Variants in CAND1 observed in about 807,000 individuals in gnomAD.
The protein encoded by CAND1 is cullin associated and neddylation dissociated 1.
CAND1 carries 7 observed loss-of-function variants against 108.5 expected under a neutral mutation model. That is an observed-to-expected ratio of 0.06 (90% CI 0.04 to 0.12). The LOEUF is 0.12. Among genes scored for constraint, CAND1 ranks in the 10% least tolerant of loss-of-function variants. The pLI is 1.00. For synonymous variants in CAND1, 534 were observed against 512.0 expected, an observed-to-expected ratio of 1.04 and a Z score of -0.58; for missense variants, 941 against 1,448.7, an observed-to-expected ratio of 0.65 and a Z score of 5.69.
chr12:67,288,459 T>C (rs1003308596), intron 2 of CAND1, among the ~76,000 whole-genome samples: 4 of 152,150 alleles, frequency 2.6e-5, no homozygotes, highest in African/African-American at 9.7e-5. Context: ...AGTTGATCTG[T>C]TGACTGTTGA....
Position 67,305,917 on chromosome 12 carries a change from G to C in CAND1, c.2249G>C (p.Gly750Ala). 1 of 1,614,100 alleles carries C rather than the reference G, an allele frequency of 6.2e-7. No individual in the cohort carries two copies. Among genetic ancestry groups the C allele is most frequent in the Non-Finnish European group, 8.5e-7 (1 of 1,179,978 alleles). The change falls in exon 10 of 15, where the codon GGA becomes GCA. Residue 750 changes from glycine (G) to alanine (A), a missense_variant. Gly to Ala is a moderately conservative substitution (Grantham distance 60). Transcript: ENST00000545606. This position sits in a 1 kb window ranked among gnomAD's most constrained non-coding sequence, Gnocchi z 4.4. The stretch of plus-strand genomic sequence containing the variant: ...GTGAGATCACCCTTATTGCAGGGGG[G>C]AGCTCTTAGTGCCATGCTAGACTTT... ...GLVRSPLLQG[G>A]ALSAMLDFFQ...
chr12:67,289,978 G>GA (rs1430319070), intron 2 of CAND1, among the ~76,000 whole-genome samples: 2 of 152,020 alleles, frequency 1.3e-5, no homozygotes, highest in South Asian at 2.1e-4. Context: ...ACTTATGCTT[G>GA]AAAAAATGCA....
Position 67,269,570 on chromosome 12 carries a change from TCCC to T in CAND1, c.-147_-145del, listed in dbSNP as rs2044496123. On this transcript the variant is annotated 5_prime_UTR_variant, in exon 1 of 15. Transcript: ENST00000545606. ...GGAGGGGGCAGCCCGTCGAGGCGCC[TCCC>T]TAGTCAGCGTCGGCGTCGCGCTGCG... The T allele has an allele frequency of 1.6e-6, 1 of 635,398 alleles. No homozygotes were observed. Among genetic ancestry groups the T allele is most frequent in the African/African-American group, 2.0e-5 (1 of 50,610 alleles). 39.4% of individuals were successfully genotyped at this position (635,398 alleles called of 1,614,324 possible). A position where few individuals can be genotyped will look rare whatever the true frequency, so the allele number is the denominator to read the frequency against.
At chr12:67,312,470 C>A in intron 14 of CAND1, 136 bp from the exon 15 acceptor site, 6 of 496,756 alleles carry the variant, frequency 1.2e-5, no homozygotes, top group Non-Finnish European at 1.4e-5. Context: ...AGTTTAAAAA[C>A]AGTTGTTCTT....
chr12:67,306,463 T>C lies in CAND1; in HGVS notation c.2795T>C (p.Ile932Thr). Residue 932 changes from isoleucine (I) to threonine (T), a missense_variant, in exon 10 of 15, where the codon ATC (isoleucine) becomes ACC (threonine). Around this residue, in one of 9 missense-constraint regions of CAND1, gnomAD observed 106 missense variants for 182.0 expected, o/e 0.58. Transcript: ENST00000545606. Reference sequence around the variant, plus strand: ...GGCCTTAAACCATATGTTGAAAACATCTGGGCCTTATTACTAAAGCACTGT... The same window carrying C: ...GGCCTTAAACCATATGTTGAAAACACCTGGGCCTTATTACTAAAGCACTGT... The part of the protein sequence containing the change: ...VVGLKPYVEN[I>T]WALLLKHCEC... The C allele has an allele frequency of 1.2e-6, 2 of 1,614,082 alleles. No individual in the cohort carries two copies. The highest frequency in any genetic ancestry group is 1.7e-6 in the Non-Finnish European group (2 of 1,179,964).
At chr12:67,288,722 G>A (rs1157915861) in intron 2 of CAND1, among the ~76,000 whole-genome samples, 1 of 152,198 alleles carries the variant, frequency 6.6e-6, no homozygotes, top group Non-Finnish European at 1.5e-5. Flanking sequence ...GAGTCAGTCA[G>A]AGATGGAACA....
rs999136581 is a variant in CAND1 at position 67,315,138 on chromosome 12, T to C, written c.*2308T>C. On this transcript the variant is annotated 3_prime_UTR_variant, in exon 15 of 15. Coordinates refer to ENST00000545606, the MANE Select transcript of CAND1 (RefSeq NM_018448.5). ...TTTCATGAGAACATTTAAGTTAGTT[T>C]AGGTCTACCTGATTTATTTTAAAAG... 6.6e-6 allele frequency: 1 copy of C among 152,238 alleles called. No homozygotes were observed. Among genetic ancestry groups the C allele is most frequent in the African/African-American group, 2.4e-5 (1 of 41,462 alleles). The allele number at this position is 152,238 out of a possible 1,614,324, so 9.4% of individuals were successfully genotyped here. A position where few individuals can be genotyped will look rare whatever the true frequency, so the allele number is the denominator to read the frequency against.
At chr12:67,272,644 T>A (rs1300632078) in intron 1 of CAND1, among the ~76,000 whole-genome samples, 1 of 152,218 alleles carries the variant, frequency 6.6e-6, no homozygotes, top group African/African-American at 2.4e-5. Flanking sequence ...TGAGAAATGC[T>A]GAGATTAGGA....
At chr12:67,288,338 G>A (rs1486008799) in intron 2 of CAND1, among the ~76,000 whole-genome samples, 1 of 151,832 alleles carries the variant, frequency 6.6e-6, no homozygotes, top group Non-Finnish European at 1.5e-5. Context: ...ATGTTGGCCA[G>A]GCTGGTCTCG....
chr12:67,273,081 A>G (rs2044536632), intron 1 of CAND1, among the ~76,000 whole-genome samples: 1 of 152,210 alleles, frequency 6.6e-6, no homozygotes, highest in Admixed American at 6.5e-5. Context: ...TGTCTTAATT[A>G]CTAGGATAGT....
chr12:67,302,368 T>C lies in CAND1; in HGVS notation c.1046T>C (p.Val349Ala). The change falls in exon 8 of 15, where the codon GTG becomes GCG. Residue 349 changes from valine (V) to alanine (A), a missense_variant. Transcript: ENST00000545606. The part of the protein sequence containing the change: ...YSDDDDMSWK[V>A]RRAAAKCLDA... ...GATGATGATGACATGAGTTGGAAAGTGAGACGTGCAGCTGCGAAGTGCTTG... is the reference window on the plus strand; with the variant it reads ...GATGATGATGACATGAGTTGGAAAGCGAGACGTGCAGCTGCGAAGTGCTTG... 1.2e-6 allele frequency: 2 copies of C among 1,614,012 alleles called. No homozygotes were observed. The highest frequency in any genetic ancestry group is 8.5e-7 in the Non-Finnish European group (1 of 1,179,974).
intron 8 of CAND1, among the ~76,000 whole-genome samples, chr12:67,304,114 C>T (rs1001072942): frequency 6.6e-6 from 1 of 151,576 alleles, no homozygotes; most frequent in African/African-American, 2.4e-5. Flanking sequence ...CTCAGCCTCC[C>T]GAGTAGCTGG....
intron 2 of CAND1, among the ~76,000 whole-genome samples, chr12:67,284,705 TAC>T (rs138518839): frequency 9.3e-4 from 105 of 113,092 alleles, no homozygotes; most frequent in African/African-American, 1.7e-3. Flanking sequence ...CACATGCATG[TAC>T]ACACACACAC....
Position 67,319,531 on chromosome 12 carries a change from T to G in CAND1, c.*6701T>G, listed in dbSNP as rs1156585578. Reference sequence around the variant, plus strand: ...GAACCTGACTCCATTTTCAGGCACGTAATATTGTCAAATTCCTTTTAAAAG... The same window carrying G: ...GAACCTGACTCCATTTTCAGGCACGGAATATTGTCAAATTCCTTTTAAAAG... On this transcript the variant is annotated 3_prime_UTR_variant, in exon 15 of 15. Transcript: ENST00000545606. 1 of 152,198 alleles carries G rather than the reference T, an allele frequency of 6.6e-6. No individual in the cohort carries two copies. Among genetic ancestry groups the G allele is most frequent in the African/African-American group, 2.4e-5 (1 of 41,452 alleles). 9.4% of individuals were successfully genotyped at this position (152,198 alleles called of 1,614,324 possible).
At chr12:67,269,879 G>A in intron 1 of CAND1, 94 bp downstream of exon 1, 2 of 1,046,700 alleles carry the variant, frequency 1.9e-6, no homozygotes. Context: ...TTCGGCCGTA[G>A]CCGGTAGCTT....
intron 7 of CAND1, 99 bp downstream of exon 7, chr12:67,299,194 A>G: frequency 8.6e-7 from 1 of 1,162,214 alleles, no homozygotes; most frequent in Non-Finnish European, 1.2e-6. Context: ...TTATTTAGTT[A>G]TAATAGTGAA....
At chr12:67,276,498 G>A (rs914810032) in intron 1 of CAND1, among the ~76,000 whole-genome samples, 14 of 152,154 alleles carry the variant, frequency 9.2e-5, no homozygotes, top group Middle Eastern at 3.2e-3. Flanking sequence ...AGGAAGTGAA[G>A]CCTTGCTTTA....
At chr12:67,301,712 T>C (rs566174455) in intron 7 of CAND1, among the ~76,000 whole-genome samples, 1 of 152,300 alleles carries the variant, frequency 6.6e-6, no homozygotes, top group South Asian at 2.1e-4. Context: ...GACAAAATTG[T>C]GAAAGGTTTA....
At position 67,297,873 on chromosome 12, in the gene CAND1, A is replaced by G. The variant is rs1469306618; in HGVS notation, c.854+20A>G. Reference sequence around the variant, plus strand: ...AAGAAGGTAAGTTTTTAAGATCTCTATTTTTTACAAAAAGTTTTTCCTTAA... The same window carrying G: ...AAGAAGGTAAGTTTTTAAGATCTCTGTTTTTTACAAAAAGTTTTTCCTTAA... On this transcript the variant is annotated intron_variant, in intron 6 of 14. Coordinates refer to ENST00000545606, the MANE Select transcript of CAND1 (RefSeq NM_018448.5). The G allele has an allele frequency of 4.8e-6, 7 of 1,443,520 alleles. No homozygotes were observed. The Admixed American group carries it at 9.5e-5, about 19-fold the overall frequency. 89.4% of individuals were successfully genotyped at this position (1,443,520 alleles called of 1,614,324 possible). A position where few individuals can be genotyped will look rare whatever the true frequency, so the allele number is the denominator to read the frequency against.
Sources: gnomAD v4.1 joint callset for allele counts (sites outside exome capture counted in the v4.1 genomes callset) on GRCh38, gnomAD v4.1.1 for gene constraint, gnomAD v4.1.1 regional missense constraint, Gnocchi (gnomAD v3.1) non-coding constraint, MANE v1.5 for transcripts, NCBI Gene and HGNC (gene_info 2026-07-23, HGNC 2026-07-21) for gene names.